Variants in SLC37A1 observed in about 807,000 individuals in gnomAD.
The protein encoded by SLC37A1 is solute carrier family 37 member 1.
A neutral mutation model predicts 75.3 loss-of-function variants in SLC37A1; 49 were observed. The ratio of observed to expected loss-of-function variants is 0.65; its 90% CI spans 0.52 to 0.83. SLC37A1 has a LOEUF of 0.83. SLC37A1 is among the 40% of genes least tolerant of loss of function. SLC37A1 has a pLI of 0.00. For missense variants in SLC37A1, 566 were observed against 695.0 expected, an observed-to-expected ratio of 0.81 and a Z score of 2.09; for synonymous variants, 268 against 292.1, an observed-to-expected ratio of 0.92 and a Z score of 0.84.
intron 17 of SLC37A1, among the ~76,000 whole-genome samples, chr21:42,573,244 A>G (rs1265738690): frequency 6.6e-6 from 1 of 152,172 alleles, no homozygotes; most frequent in East Asian, 1.9e-4. Context: ...GGCAGAGGGA[A>G]TGTAGCTAAC....
chr21:42,524,612 C>T (rs1165464786), intron 2 of SLC37A1, among the ~76,000 whole-genome samples: 2 of 152,352 alleles, frequency 1.3e-5, no homozygotes, highest in Admixed American at 6.5e-5. Flanking sequence ...CCCAGGATAG[C>T]AGGCTACGCC....
intron 10 of SLC37A1, among the ~76,000 whole-genome samples, chr21:42,555,935 G>A (rs563143818): frequency 6.6e-6 from 1 of 152,344 alleles, no homozygotes; most frequent in East Asian, 1.9e-4. Flanking sequence ...AGGGTAGGCG[G>A]GGAGAGTCCC....
At chr21:42,572,129 G>A (rs1228083284) in intron 17 of SLC37A1, among the ~76,000 whole-genome samples, 1 of 152,194 alleles carries the variant, frequency 6.6e-6, no homozygotes, top group Non-Finnish European at 1.5e-5. Flanking sequence ...TGTGGACGTG[G>A]AAACACCTTC....
At chr21:42,536,178 G>A (rs2055133330) in intron 5 of SLC37A1, among the ~76,000 whole-genome samples, 1 of 152,232 alleles carries the variant, frequency 6.6e-6, no homozygotes, top group Non-Finnish European at 1.5e-5. Context: ...CACCAGCTGG[G>A]ATCTGAACCC....
At chr21:42,564,656 G>C in intron 13 of SLC37A1, 52 bp from the exon 14 acceptor site, 5 of 1,471,240 alleles carry the variant, frequency 3.4e-6, no homozygotes, top group Non-Finnish European at 4.7e-6. Flanking sequence ...CTTCCTCCCC[G>C]TGGGCTCATG....
intron 10 of SLC37A1, among the ~76,000 whole-genome samples, chr21:42,555,147 G>T (rs1053059104): frequency 2.0e-5 from 3 of 151,866 alleles, no homozygotes; most frequent in Non-Finnish European, 4.4e-5. Context: ...CACCACACCT[G>T]GCTGAATTTT....
chr21:42,527,503 TATAA>T (rs2054826848), intron 3 of SLC37A1, among the ~76,000 whole-genome samples: 2 of 152,088 alleles, frequency 1.3e-5, no homozygotes, highest in Admixed American at 1.3e-4. Context: ...TAAGTAACAA[TATAA>T]ATAACTGCCG....
chr21:42,564,693 G>A lies in SLC37A1; in HGVS notation c.1136-15G>A, dbSNP rs368047125. On this transcript the variant is annotated splice_polypyrimidine_tract_variant and intron_variant, in intron 13 of 19. Coordinates refer to ENST00000352133, the MANE Select transcript of SLC37A1 (RefSeq NM_001320537.2). ...CCTGGGACGTCAGTGCCTGAAGCCC[G>A]CCTCTCCGTTGCAGGTGGGATCCTG... 117 of 1,608,576 alleles carry A rather than the reference G, an allele frequency of 7.3e-5. No individual in the cohort carries two copies. The highest frequency in any genetic ancestry group is 3.8e-4 in the Admixed American group (23 of 59,994).
At chr21:42,571,219 C>T (rs2056155890) in intron 17 of SLC37A1, among the ~76,000 whole-genome samples, 2 of 152,294 alleles carry the variant, frequency 1.3e-5, no homozygotes, top group African/African-American at 4.8e-5. Context: ...AGGAGGTGCC[C>T]GCATGCTTAT....
chr21:42,543,664 T>G (rs2055338448), intron 8 of SLC37A1, 62 bp downstream of exon 8: 2 of 1,514,010 alleles, frequency 1.3e-6, no homozygotes, highest in South Asian at 1.3e-5. Context: ...CCTGCCTGGG[T>G]GGGCCTTGGG....
intron 16 of SLC37A1, among the ~76,000 whole-genome samples, chr21:42,567,268 C>T (rs927985503): frequency 5.9e-5 from 9 of 152,234 alleles, no homozygotes; most frequent in Admixed American, 5.2e-4. Context: ...CAAAACTCAC[C>T]GTTCAGCACA....
chr21:42,547,124 C>T lies in SLC37A1; in HGVS notation c.752C>T (p.Ser251Phe). 6.2e-7 allele frequency: 1 copy of T among 1,614,188 alleles called. No individual in the cohort carries two copies. The highest frequency in any genetic ancestry group is 2.2e-5 in the East Asian group (1 of 44,880). Reference protein sequence around the residue: ...LIEHPNDVRCSSTLVTHSKGY... With the variant: ...LIEHPNDVRCFSTLVTHSKGY... ...TCAGATCCGAACGACGTCAGGTGCT[C>T]CTCCACCCTGGTGACGGTAAGGACC... is the stretch of plus-strand genomic sequence containing the variant. Residue 251 changes from serine (S) to phenylalanine (F), a missense_variant, in exon 9 of 20, where the codon TCC becomes TTC. Coordinates refer to ENST00000352133, the MANE Select transcript of SLC37A1 (RefSeq NM_001320537.2). The surrounding 1 kb of genome is among the most constrained non-coding windows in gnomAD (Gnocchi z 6.1).
At position 42,554,143 on chromosome 21, in the gene SLC37A1, G is replaced by C; in HGVS notation, c.849+1G>C. The C allele has an allele frequency of 6.2e-7, 1 of 1,613,040 alleles. No homozygotes were observed. The highest frequency in any genetic ancestry group is 8.5e-7 in the Non-Finnish European group (1 of 1,179,584). ...GAAGAGCGAAAAGAACAAGCCTCTG[G>C]TAAGTCACACACAACTTCCACTTCC... On this transcript the variant is annotated splice_donor_variant, in intron 10 of 19. Coordinates refer to ENST00000352133, the MANE Select transcript of SLC37A1 (RefSeq NM_001320537.2). LOFTEE classifies it high-confidence loss of function.
rs1032127912 is a variant in SLC37A1, at chr21:42,580,582, T to C, written c.*222T>C. On this transcript the variant is annotated 3_prime_UTR_variant, in exon 20 of 20. Transcript: ENST00000352133. ...AGAAAAGTCTGCAGGAACTGCTGCCTGAGCCAAGCCAGAGAACCGAAGACC... is the reference window on the plus strand; with the variant it reads ...AGAAAAGTCTGCAGGAACTGCTGCCCGAGCCAAGCCAGAGAACCGAAGACC... The C allele has an allele frequency of 1.5e-5, 8 of 543,752 alleles. No homozygotes were observed. The highest frequency in any genetic ancestry group is 2.6e-5 in the Non-Finnish European group (8 of 311,774). The allele number at this position is 543,752 out of a possible 1,614,324, so 33.7% of individuals were successfully genotyped here. A position where few individuals can be genotyped will look rare whatever the true frequency, so the allele number is the denominator to read the frequency against.
At position 42,524,726 on chromosome 21, in the gene SLC37A1, C is replaced by T. The variant is rs985174927; in HGVS notation, c.57-1050C>T. 2.0e-4 allele frequency among the ~76,000 whole-genome samples: 31 copies of T among 152,218 alleles called. 2 individuals carry two copies. Among genetic ancestry groups the T allele is most frequent in the Admixed American group, 6.5e-5 (1 of 15,284 alleles). ...CGAGTCCCAGGTTTCCCTTTGGTTA[C>T]GGTTTCTTTAAATAGATGAATGCTT... On this transcript the variant is annotated intron_variant, in intron 2 of 19. Coordinates refer to ENST00000352133, the MANE Select transcript of SLC37A1 (RefSeq NM_001320537.2).
chr21:42,523,653 T>C (rs977425659), intron 2 of SLC37A1, among the ~76,000 whole-genome samples: 2 of 152,258 alleles, frequency 1.3e-5, no homozygotes, highest in African/African-American at 4.8e-5. Flanking sequence ...GGCTCGCCTT[T>C]TAGGGTTTCG....
At chr21:42,500,467 A>G (rs984481256) in intron 1 of SLC37A1, among the ~76,000 whole-genome samples, 3 of 152,202 alleles carry the variant, frequency 2.0e-5, no homozygotes, top group African/African-American at 7.2e-5. Context: ...AGATATTCAT[A>G]ATGAGAGTAG....
intron 17 of SLC37A1, among the ~76,000 whole-genome samples, chr21:42,571,952 T>G (rs1181112787): frequency 6.6e-6 from 1 of 152,096 alleles, no homozygotes; most frequent in East Asian, 1.9e-4. Context: ...ACCACGGTGC[T>G]GGGAGTCCCC....
chr21:42,563,764 G>A lies in SLC37A1; in HGVS notation c.1073-51G>A, dbSNP rs376759414. 7.1e-5 allele frequency: 112 copies of A among 1,572,442 alleles called. No homozygotes were observed. In the Admixed American group the frequency reaches 1.4e-3, roughly 20 times the overall value. ...CTGTTCTGCCATGGTGTGTCGCTGC[G>A]ATGCGTGAAGGAGATCCTCACTGTT... On this transcript the variant is annotated intron_variant, in intron 12 of 19. Coordinates refer to ENST00000352133, the MANE Select transcript of SLC37A1 (RefSeq NM_001320537.2).
Sources: gnomAD v4.1 joint callset for allele counts (sites outside exome capture counted in the v4.1 genomes callset) on GRCh38, gnomAD v4.1.1 for gene constraint, Gnocchi (gnomAD v3.1) non-coding constraint, MANE v1.5 for transcripts, NCBI Gene and HGNC (gene_info 2026-07-23, HGNC 2026-07-21) for gene names.